The following CFLAR variants were observed in gnomAD, a reference collection of about 807,000 sequenced individuals.
The protein encoded by CFLAR is CASP8 and FADD like apoptosis regulator, also known as CASP8 and FADD-like apoptosis regulator.
A neutral mutation model predicts 51.1 loss-of-function variants in CFLAR; 14 were observed. The observed-to-expected ratio is 0.27, with a 90% CI of 0.18 to 0.43. The LOEUF is 0.43. Ranked by LOEUF, CFLAR falls within the 20% of genes least tolerant of loss-of-function variation. CFLAR has a pLI of 1.00. For missense variants in CFLAR, 390 were observed against 566.5 expected (o/e 0.69, Z 3.16); for synonymous variants, 210 against 211.6 (o/e 0.99, Z 0.06).
At chr2:201,160,979 G>C (rs200686032) in intron 9 of CFLAR, 37 bp downstream of exon 9, 4 of 1,491,470 alleles carry the variant, frequency 2.7e-6, no homozygotes, top group Non-Finnish European at 3.7e-6. Context: ...CGGACCACCT[G>C]CTTATTTTCG....
At chr2:201,145,514 A>G (rs1235892556) in intron 6 of CFLAR, 82 bp downstream of exon 6, 1 of 902,070 alleles carries the variant, frequency 1.1e-6, no homozygotes, top group Non-Finnish European at 1.8e-6. Context: ...AGAGTTGGTC[A>G]TTTCCTTTAT....
At position 201,145,394 on chromosome 2, in the gene CFLAR, G is replaced by A; in HGVS notation, c.623G>A (p.Ser208Asn). The A allele has an allele frequency of 6.2e-7, 1 of 1,606,816 alleles. No homozygotes were observed. Among genetic ancestry groups the A allele is most frequent in the Non-Finnish European group, 8.5e-7 (1 of 1,174,022 alleles). The change falls in exon 6 of 10, where the codon AGT (serine) becomes AAT (asparagine). Residue 208 changes from serine (S) to asparagine (N), a missense_variant. Ser to Asn is a conservative substitution (Grantham distance 46). This residue lies in a region of CFLAR where 287 missense variants were observed against 363.6 expected (regional missense o/e 0.79). Transcript: ENST00000309955. ...SNNFRLHNGRSKEQRLKEQLG... is the reference protein window; with the variant it reads ...SNNFRLHNGRNKEQRLKEQLG... ...TATTTGAAGCTCCATAATGGGAGAAGTAAAGAACAAAGACTTAAGGAACAG... is the reference window on the plus strand; with the variant it reads ...TATTTGAAGCTCCATAATGGGAGAAATAAAGAACAAAGACTTAAGGAACAG...
chr2:201,122,324 T>C (rs1171579219), intron 1 of CFLAR, among the ~76,000 whole-genome samples: 1 of 152,250 alleles, frequency 6.6e-6, no homozygotes, highest in Admixed American at 6.5e-5. Flanking sequence ...AGCATTGTTA[T>C]CTCATGTAGC....
intron 1 of CFLAR, among the ~76,000 whole-genome samples, chr2:201,126,441 T>C (rs1376674813): frequency 6.6e-6 from 1 of 152,130 alleles, no homozygotes; most frequent in East Asian, 1.9e-4. Flanking sequence ...ACAAGTTAAG[T>C]CCTTGCGGAA....
At chr2:201,126,487 T>A (rs2048728702) in intron 1 of CFLAR, among the ~76,000 whole-genome samples, 5 of 152,230 alleles carry the variant, frequency 3.3e-5, no homozygotes, top group Admixed American at 3.3e-4. Flanking sequence ...GGAGTCTGTC[T>A]GGCTCTCTTA....
At chr2:201,156,833 C>T (rs1942259225) in intron 8 of CFLAR, among the ~76,000 whole-genome samples, 1 of 150,922 alleles carries the variant, frequency 6.6e-6, no homozygotes, top group African/African-American at 2.4e-5. Context: ...AGAAGTGGGT[C>T]TTCTGTAGTT....
rs542621517 is a variant in CFLAR at position 201,138,385 on chromosome 2, G to A, written c.524-1972G>A. Reference sequence around the variant, plus strand: ...CAGGGTAGTCTCGGTTCTTCAGCGCGGTGCAGGTGATAATGGCCACCAGCT... The same window carrying A: ...CAGGGTAGTCTCGGTTCTTCAGCGCAGTGCAGGTGATAATGGCCACCAGCT... On this transcript the variant is annotated intron_variant, in intron 4 of 9. Transcript: ENST00000309955. The surrounding 1 kb of genome is among the most constrained non-coding windows in gnomAD (Gnocchi z 4.0). 70 of 774,680 alleles carry A rather than the reference G, an allele frequency of 9.0e-5. 1 individual carries two copies. The highest frequency in any genetic ancestry group is 5.3e-4 in the South Asian group (39 of 73,906). 48.0% of individuals were successfully genotyped at this position (774,680 alleles called of 1,614,324 possible). A position where few individuals can be genotyped will look rare whatever the true frequency, so the allele number is the denominator to read the frequency against.
rs556154109 is a variant in CFLAR at position 201,142,757 on chromosome 2, G to A, written c.606+2318G>A. The A allele has an allele frequency of 6.2e-3, 948 of 152,994 alleles. 2 individuals are homozygous for A. Among genetic ancestry groups the A allele is most frequent in the Non-Finnish European group, 0.011 (722 of 68,480 alleles). 9.5% of individuals were successfully genotyped at this position (152,994 alleles called of 1,614,324 possible). A position where few individuals can be genotyped will look rare whatever the true frequency, so the allele number is the denominator to read the frequency against. Reference sequence around the variant, plus strand: ...TGGGATTACAGGAATGTGCCACCACGCCCGGGTAATTTTATATTTTTAGTA... The same window carrying A: ...TGGGATTACAGGAATGTGCCACCACACCCGGGTAATTTTATATTTTTAGTA... On this transcript the variant is annotated intron_variant, in intron 5 of 9. Coordinates refer to ENST00000309955, the MANE Select transcript of CFLAR (RefSeq NM_003879.7).
intron 4 of CFLAR, chr2:201,140,078 C>A: frequency 1.8e-5 from 2 of 109,570 alleles, no homozygotes; most frequent in Non-Finnish European, 3.2e-5. Context: ...TGCTGCGACG[C>A]GGAGGCGCGC....
intron 7 of CFLAR, chr2:201,149,279 CCT>C: frequency 2.3e-6 from 1 of 444,050 alleles, no homozygotes. Context: ...AAGTAGCACT[CCT>C]CATCTCAACT....
At chr2:201,144,392 T>C (rs1251336630) in intron 5 of CFLAR, 1 of 152,240 alleles carries the variant, frequency 6.6e-6, no homozygotes, top group Non-Finnish European at 1.5e-5. Context: ...TATTTGATTA[T>C]CAAGAATCAG....
chr2:201,151,639 G>T (rs1046544733), intron 8 of CFLAR, among the ~76,000 whole-genome samples: 1 of 151,690 alleles, frequency 6.6e-6, no homozygotes, highest in Non-Finnish European at 1.5e-5. Flanking sequence ...AAGAGATTAT[G>T]TAATTGTCCT....
At chr2:201,141,339 CAT>C in intron 5 of CFLAR, 3 of 1,547,306 alleles carry the variant, frequency 1.9e-6, no homozygotes, top group African/African-American at 2.7e-5. Flanking sequence ...ATAGTCTACA[CAT>C]ATATTTCATT....
intron 5 of CFLAR, chr2:201,144,403 G>A (rs536194416): frequency 9.2e-5 from 14 of 152,294 alleles, no homozygotes; most frequent in African/African-American, 3.4e-4. Context: ...CAAGAATCAG[G>A]ACCATATGTT....
rs948616947 is a variant in CFLAR, at chr2:201,163,909, A to G, written c.1379A>G (p.Lys460Arg). ...MYDWNSRVSA[K>R]EKYYVWLQHT... ...GATTGGAACAGCAGAGTTTCTGCCA[A>G]GGAGAAATATTATGTCTGGCTGCAG... The change falls in exon 10 of 10, where the codon AAG (lysine) becomes AGG (arginine). Residue 460 changes from lysine to arginine, a missense_variant. Physicochemically the swap from Lys to Arg is conservative, Grantham distance 26. Coordinates refer to ENST00000309955, the MANE Select transcript of CFLAR (RefSeq NM_003879.7). The G allele has an allele frequency of 1.2e-6, 2 of 1,614,160 alleles. No individual in the cohort carries two copies. The highest frequency in any genetic ancestry group is 2.2e-5 in the East Asian group (1 of 44,890).
At position 201,174,287 on chromosome 2, in the gene CFLAR, A is replaced by G. The variant is rs185237890; in HGVS notation, c.*10314A>G. On this transcript the variant is annotated 3_prime_UTR_variant, in exon 10 of 10. Coordinates refer to ENST00000309955, the MANE Select transcript of CFLAR (RefSeq NM_003879.7). ...GACCCATTTTGAGTTATTTTTGTGTATGCAGTGCGAGATAAGCATCCAGCC... is the reference window on the plus strand; with the variant it reads ...GACCCATTTTGAGTTATTTTTGTGTGTGCAGTGCGAGATAAGCATCCAGCC... 2.0e-5 allele frequency: 3 copies of G among 152,304 alleles called. No homozygotes were observed. The highest frequency in any genetic ancestry group is 7.2e-5 in the African/African-American group (3 of 41,564). 9.4% of individuals were successfully genotyped at this position (152,304 alleles called of 1,614,324 possible).
chr2:201,151,552 A>G (rs1206227588), intron 8 of CFLAR, among the ~76,000 whole-genome samples: 2 of 140,318 alleles, frequency 1.4e-5, no homozygotes, highest in Admixed American at 6.8e-5. Flanking sequence ...TGTGAGAAAG[A>G]TAAGTGTCTT....
chr2:201,129,413 C>A, intron 1 of CFLAR: 1 of 219,296 alleles, frequency 4.6e-6, no homozygotes, highest in Non-Finnish European at 8.8e-6. Flanking sequence ...CCATTAAACC[C>A]TTAGTTGTAA....
intron 3 of CFLAR, among the ~76,000 whole-genome samples, chr2:201,134,314 A>C (rs543851037): frequency 1.3e-5 from 2 of 148,512 alleles, no homozygotes; most frequent in South Asian, 4.3e-4. Context: ...TCTCAAAAAA[A>C]AAAATTTTTT....
Sources: gnomAD v4.1 joint callset for allele counts (sites outside exome capture counted in the v4.1 genomes callset) on GRCh38, gnomAD v4.1.1 for gene constraint, gnomAD v4.1.1 regional missense constraint, Gnocchi (gnomAD v3.1) non-coding constraint, MANE v1.5 for transcripts, NCBI Gene and HGNC (gene_info 2026-07-23, HGNC 2026-07-21) for gene names.